Variants in TIAM1 observed in about 807,000 individuals in gnomAD.
The protein encoded by TIAM1 is TIAM Rac1 associated GEF 1.
TIAM1 carries 65 observed loss-of-function variants against 163.5 expected under a neutral mutation model. The observed-to-expected ratio is 0.40, with a 90% CI of 0.33 to 0.49. The LOEUF (loss-of-function observed/expected upper bound fraction) is 0.49, where lower values mean the gene tolerates loss of function less well. Ranked by LOEUF, TIAM1 falls within the 20% of genes least tolerant of loss-of-function variation. The pLI is 0.77. For missense variants in TIAM1, 1,789 were observed against 2,044.7 expected (o/e 0.87, Z 2.41); for synonymous variants, 833 against 810.1 (o/e 1.03, Z -0.48).
chr21:31,210,803 A>AAAGAAAGAAAGG (rs2086845321), intron 10 of TIAM1, among the ~76,000 whole-genome samples: 6 of 143,968 alleles, frequency 4.2e-5, no homozygotes, highest in African/African-American at 1.7e-4. Context: ...AGAAAGAAAG[A>AAAGAAAGAAAGG]AAGAAAGAAA....
chr21:31,230,839 T>C (rs560141308), intron 6 of TIAM1, among the ~76,000 whole-genome samples: 6 of 152,264 alleles, frequency 3.9e-5, no homozygotes, highest in African/African-American at 1.4e-4. Flanking sequence ...CAGGTAATTT[T>C]TGTATTTTTA....
intron 16 of TIAM1, among the ~76,000 whole-genome samples, chr21:31,155,469 C>T (rs1346524159): frequency 2.0e-5 from 3 of 151,900 alleles, no homozygotes; most frequent in Non-Finnish European, 2.9e-5. Context: ...ATATTTGTTC[C>T]AAAGCACCAC....
chr21:31,376,666 T>C (rs1276077824), intron 2 of TIAM1, among the ~76,000 whole-genome samples: 1 of 151,792 alleles, frequency 6.6e-6, no homozygotes, highest in Non-Finnish European at 1.5e-5. Flanking sequence ...CGGCCTCAAA[T>C]AAAAGAACCT....
rs201539716 is a variant in TIAM1 at position 31,364,297 on chromosome 21, A to G, written c.-368-24875T>C. Among the ~76,000 whole-genome samples, 3 of 152,344 alleles carry G rather than the reference A, an allele frequency of 2.0e-5. No homozygotes were observed. The East Asian group carries it at 5.8e-4, about 29-fold the overall frequency. On this transcript the variant is annotated intron_variant, in intron 2 of 28. Coordinates refer to the TIAM1 transcript ENST00000286827. ...CCCAGGTGGAGTAAACTTGTTAACC[A>G]AAGGGCTACTTAAAAATAAAATTGC...
chr21:31,315,679 C>CAAA (rs58560437), intron 2 of TIAM1, among the ~76,000 whole-genome samples: 6 of 80,244 alleles, frequency 7.5e-5, no homozygotes, highest in African/African-American at 1.8e-4. Context: ...AACTCCATCT[C>CAAA]AAAAAAAAAA....
intron 2 of TIAM1, among the ~76,000 whole-genome samples, chr21:31,430,221 A>T (rs1244131868): frequency 0.01 from 1,083 of 104,802 alleles, 11 homozygotes; most frequent in Non-Finnish European, 0.016. Flanking sequence ...AAAAAAAAAA[A>T]AAAAATATAT....
intron 14 of TIAM1, among the ~76,000 whole-genome samples, chr21:31,185,632 C>A (rs1376981098): frequency 7.1e-6 from 1 of 141,622 alleles, no homozygotes; most frequent in East Asian, 2.0e-4. Flanking sequence ...TATTATATAT[C>A]ATTATATGAT....
chr21:31,503,583 A>AGGAGGGG, intron 1 of TIAM1, among the ~76,000 whole-genome samples: 1 of 4,280 alleles, frequency 2.3e-4, no homozygotes, highest in East Asian at 0.01. Flanking sequence ...AGAGAAAGAG[A>AGGAGGGG]AAGAGAGGAG....
At chr21:31,178,588 G>A (rs966898947) in intron 15 of TIAM1, among the ~76,000 whole-genome samples, 6 of 152,188 alleles carry the variant, frequency 3.9e-5, no homozygotes, top group East Asian at 3.9e-4. Context: ...TTACAGGCGC[G>A]AGCCACTGAG....
intron 4 of TIAM1, among the ~76,000 whole-genome samples, chr21:31,256,412 T>TACAC (rs1257026857): frequency 6.6e-6 from 1 of 152,134 alleles, no homozygotes; most frequent in African/African-American, 2.4e-5. Flanking sequence ...CCAGCTTGAA[T>TACAC]ACACCTGTGT....
chr21:31,153,509 T>C (rs550839317), intron 17 of TIAM1, among the ~76,000 whole-genome samples: 1 of 152,256 alleles, frequency 6.6e-6, no homozygotes, highest in Admixed American at 6.5e-5. Flanking sequence ...TGCTAACCCC[T>C]GATTTAAAAG....
chr21:31,445,108 T>C (rs772395969), intron 2 of TIAM1, among the ~76,000 whole-genome samples: 1 of 152,140 alleles, frequency 6.6e-6, no homozygotes, highest in Non-Finnish European at 1.5e-5. Context: ...CAAGTAGATG[T>C]TTCTGTGGGA....
At chr21:31,291,256 C>A (rs2146915260) in intron 2 of TIAM1, among the ~76,000 whole-genome samples, 1 of 152,268 alleles carries the variant, frequency 6.6e-6, no homozygotes, top group African/African-American at 2.4e-5. Flanking sequence ...AGGCTAACAA[C>A]AACAGGCAAT....
chr21:31,467,912 C>G (rs533112820), intron 1 of TIAM1, among the ~76,000 whole-genome samples: 25 of 151,398 alleles, frequency 1.7e-4, no homozygotes, highest in Admixed American at 3.3e-4. Flanking sequence ...ATGGTGAAAC[C>G]CTGTCTATGC....
intron 2 of TIAM1, among the ~76,000 whole-genome samples, chr21:31,437,016 C>G (rs1569330305): frequency 6.6e-6 from 1 of 152,076 alleles, no homozygotes; most frequent in Non-Finnish European, 1.5e-5. Flanking sequence ...CTGTAGCAAA[C>G]TCTGAAATAT....
chr21:31,468,577 C>A (rs181394294), intron 1 of TIAM1, among the ~76,000 whole-genome samples: 1 of 151,862 alleles, frequency 6.6e-6, no homozygotes, highest in East Asian at 1.9e-4. Flanking sequence ...GAGGTGGAGA[C>A]CATCCTAGCT....
chr21:31,332,429 G>A (rs1602002067), intron 2 of TIAM1, among the ~76,000 whole-genome samples: 1 of 152,110 alleles, frequency 6.6e-6, no homozygotes, highest in Non-Finnish European at 1.5e-5. Flanking sequence ...AGGTTGAAGA[G>A]TCAGGAAGAG....
rs2074175383 is a variant in TIAM1, at chr21:31,294,897, T to TGTTTGGTTCTGTTTCTCTCACTCCGTCC, written c.-188-18017_-188-17990dup. Among the ~76,000 whole-genome samples the TGTTTGGTTCTGTTTCTCTCACTCCGTCC allele has an allele frequency of 3.3e-5, 5 of 152,304 alleles. No homozygotes were observed. The South Asian group carries it at 1.0e-3, about 32-fold the overall frequency. On this transcript the variant is annotated intron_variant, in intron 2 of 27. Transcript: ENST00000541036. Reference sequence around the variant, plus strand: ...CCAGGGTGGCAGCTCTTGAGCCACCTGTTTGGTTCTGTTTCTCTCACTCCG... The same window carrying TGTTTGGTTCTGTTTCTCTCACTCCGTCC: ...CCAGGGTGGCAGCTCTTGAGCCACCTGTTTGGTTCTGTTTCTCTCACTCCGTCCGTTTGGTTCTGTTTCTCTCACTCCG...
chr21:31,415,428 T>C (rs116492086), intron 2 of TIAM1, among the ~76,000 whole-genome samples: 1 of 152,310 alleles, frequency 6.6e-6, no homozygotes, highest in African/African-American at 2.4e-5. Flanking sequence ...TCTTTCAAAG[T>C]CCAGTATCCC....
Sources: gnomAD v4.1 joint callset for allele counts (sites outside exome capture counted in the v4.1 genomes callset) on GRCh38, gnomAD v4.1.1 for gene constraint, MANE v1.5 for transcripts, NCBI Gene and HGNC (gene_info 2026-07-23, HGNC 2026-07-21) for gene names.